Variants in MEGF6 observed in about 807,000 individuals in gnomAD.
MEGF6 encodes multiple EGF like domains 6.
A neutral mutation model predicts 207.1 loss-of-function variants in MEGF6; 184 were observed. That is an observed-to-expected ratio of 0.89 (90% CI 0.79 to 1.00). The LOEUF is 1.00. Among genes scored for constraint, MEGF6 ranks in the 50% least tolerant of loss-of-function variants. The pLI, the probability that MEGF6 is intolerant of heterozygous loss-of-function variation, is 0.00. For synonymous variants in MEGF6, 1,038 were observed against 910.0 expected (o/e 1.14, Z -2.53); for missense variants, 2,282 against 2,202.9 (o/e 1.04, Z -0.72).
At chr1:3,564,055 A>G (rs1245952474) in intron 4 of MEGF6, among the ~76,000 whole-genome samples, 1 of 152,108 alleles carries the variant, frequency 6.6e-6, no homozygotes, top group Non-Finnish European at 1.5e-5. Context: ...ACCCAAGTTC[A>G]GGCAAGCTGA....
At chr1:3,554,380 C>T (rs963743661) in intron 4 of MEGF6, among the ~76,000 whole-genome samples, 5 of 151,436 alleles carry the variant, frequency 3.3e-5, no homozygotes, top group South Asian at 2.1e-4. Flanking sequence ...CCGGGCCAGG[C>T]GGGAGGGGGA....
intron 4 of MEGF6, among the ~76,000 whole-genome samples, chr1:3,552,423 G>A (rs1050409644): frequency 2.6e-5 from 4 of 152,254 alleles, no homozygotes; most frequent in Non-Finnish European, 4.4e-5. Context: ...AAGACCACGC[G>A]TGGCGGCTCA....
At chr1:3,603,791 G>A (rs973822375) in intron 1 of MEGF6, among the ~76,000 whole-genome samples, 4 of 152,170 alleles carry the variant, frequency 2.6e-5, no homozygotes, top group Non-Finnish European at 5.9e-5. Context: ...CCGGACCCTG[G>A]CTCAGCACTC....
intron 2 of MEGF6, among the ~76,000 whole-genome samples, chr1:3,598,355 C>T (rs544442437): frequency 5.3e-5 from 8 of 152,200 alleles, no homozygotes; most frequent in Non-Finnish European, 7.3e-5. Flanking sequence ...TGCTCATGCA[C>T]GCGCACTGCA....
At chr1:3,506,056 C>T in intron 15 of MEGF6, 52 bp downstream of exon 15, 1 of 1,534,906 alleles carries the variant, frequency 6.5e-7, no homozygotes, top group Non-Finnish European at 8.8e-7. Context: ...ATGGACCATC[C>T]CTTCCACCCG....
chr1:3,531,264 GC>G, intron 4 of MEGF6: 1 of 1,361,570 alleles, frequency 7.3e-7, no homozygotes, highest in South Asian at 1.8e-5. Flanking sequence ...AGGCCGGCGG[GC>G]GGGAGGGGGC....
At chr1:3,624,492 G>C in the MEGF6 span, 1 of 152,328 alleles carries the variant, frequency 6.6e-6, no homozygotes, top group Non-Finnish European at 1.5e-5. Context: ...AAGAACGCCA[G>C]GTCCCGGCAG....
chr1:3,517,494 C>A (rs898883803), intron 5 of MEGF6, among the ~76,000 whole-genome samples: 1 of 152,248 alleles, frequency 6.6e-6, no homozygotes, highest in Admixed American at 6.5e-5. Flanking sequence ...CCAGTGTCGT[C>A]GCATATATCC....
chr1:3,582,112 C>T (rs946591536), intron 3 of MEGF6, among the ~76,000 whole-genome samples: 1 of 152,218 alleles, frequency 6.6e-6, no homozygotes, highest in Non-Finnish European at 1.5e-5. Context: ...ACAGATGCAC[C>T]CAGCAGGACA....
chr1:3,494,576 A>AG (rs1187300741), intron 31 of MEGF6, 37 bp downstream of exon 31: 1 of 1,560,456 alleles, frequency 6.4e-7, no homozygotes, highest in Non-Finnish European at 8.6e-7. Context: ...CACCTCCCTG[A>AG]GGGGATGCTG....
At chr1:3,542,926 C>T (rs573037296) in intron 4 of MEGF6, among the ~76,000 whole-genome samples, 1 of 152,334 alleles carries the variant, frequency 6.6e-6, no homozygotes, top group East Asian at 1.9e-4. Flanking sequence ...TGAATTCCTC[C>T]CCAGGGCCTG....
chr1:3,530,465 C>T (rs1263735104), intron 4 of MEGF6, among the ~76,000 whole-genome samples: 1 of 152,198 alleles, frequency 6.6e-6, no homozygotes, highest in Non-Finnish European at 1.5e-5. Context: ...GTGCCCAGCT[C>T]CAAGCTCTGT....
At position 3,524,260 on chromosome 1, in the gene MEGF6, G is replaced by C. The variant is rs10797399; in HGVS notation, c.482-14C>G. The C allele has an allele frequency of 1.2e-6, 2 of 1,603,552 alleles. No individual in the cohort carries two copies. Among genetic ancestry groups the C allele is most frequent in the Non-Finnish European group, 1.7e-6 (2 of 1,172,330 alleles). On this transcript the variant is annotated splice_polypyrimidine_tract_variant and intron_variant, in intron 4 of 36. Coordinates refer to ENST00000356575, the MANE Select transcript of MEGF6 (RefSeq NM_001409.4). ...ATTCGTCCACATCTGAGCAGGAATGGGGAAGGATCAGCAGCTGGGCACCTG... is the reference window on the plus strand; with the variant it reads ...ATTCGTCCACATCTGAGCAGGAATGCGGAAGGATCAGCAGCTGGGCACCTG...
rs145715301 is a variant in MEGF6 at position 3,538,294 on chromosome 1, C to T, written c.482-14048G>A. Among the ~76,000 whole-genome samples the T allele has an allele frequency of 5.1e-3, 772 of 152,184 alleles. 3 individuals carry two copies. Among genetic ancestry groups the T allele is most frequent in the Middle Eastern group, 0.024 (7 of 294 alleles). On this transcript the variant is annotated intron_variant, in intron 4 of 36. Coordinates refer to ENST00000356575, the MANE Select transcript of MEGF6 (RefSeq NM_001409.4). Reference sequence around the variant, plus strand: ...TTCCTCGCACCCCTTCTCCCACTGTCGCCACCACAGAGCTTCTATCAGGAG... The same window carrying T: ...TTCCTCGCACCCCTTCTCCCACTGTTGCCACCACAGAGCTTCTATCAGGAG...
rs189446794 is a variant in MEGF6, at chr1:3,510,633, G to A, written c.1234+150C>T. ...CACCACAGCCCTGCACACAGCAGGC[G>A]CTCAACCAACACCCACAGCCCCAAA... On this transcript the variant is annotated intron_variant, in intron 10 of 36. Transcript: ENST00000356575. The A allele has an allele frequency of 1.1e-3, 1,242 of 1,134,516 alleles. 17 individuals carry two copies. In the African/African-American group the frequency reaches 0.018, roughly 16 times the overall value. 70.3% of individuals were successfully genotyped at this position (1,134,516 alleles called of 1,614,324 possible). A position where few individuals can be genotyped will look rare whatever the true frequency, so the allele number is the denominator to read the frequency against.
rs1481976623 is a variant in MEGF6, at chr1:3,560,029, A to AAG, written c.481+19795_481+19796insCT. ...CGTCTCAAAATAAAAGAAAAAAAAA[A>AAG]AAAAAAAGGAAACACGATGAGCCCA... On this transcript the variant is annotated intron_variant, in intron 4 of 36. Transcript: ENST00000356575. This position sits in a 1 kb window ranked among gnomAD's most constrained non-coding sequence, Gnocchi z 4.0. 6.6e-6 allele frequency among the ~76,000 whole-genome samples: 1 copy of AAG among 151,092 alleles called. No homozygotes were observed. The highest frequency in any genetic ancestry group is 6.6e-5 in the Admixed American group (1 of 15,156).
intron 17 of MEGF6, 98 bp from the exon 18 acceptor site, chr1:3,502,019 C>CTCT: frequency 6.6e-7 from 1 of 1,518,364 alleles, no homozygotes; most frequent in African/African-American, 1.4e-5. Context: ...CCCCCTGTGC[C>CTCT]TCACATGGGC....
At position 3,576,297 on chromosome 1, in the gene MEGF6, A is replaced by T. The variant is rs1011765453; in HGVS notation, c.481+3528T>A. On this transcript the variant is annotated intron_variant, in intron 4 of 36. Transcript: ENST00000356575. ...GCTGCAAAGTCCCCGCCCGCTGCAGACCCGAGACTTGCCATCTGGGCCAAG... is the reference window on the plus strand; with the variant it reads ...GCTGCAAAGTCCCCGCCCGCTGCAGTCCCGAGACTTGCCATCTGGGCCAAG... 3.9e-5 allele frequency among the ~76,000 whole-genome samples: 6 copies of T among 152,302 alleles called. No homozygotes were observed. The East Asian group carries it at 1.2e-3, about 29-fold the overall frequency.
Position 3,498,718 on chromosome 1 carries a change from G to A in MEGF6, c.3203C>T (p.Ala1068Val). ...CTCACCCTTCTCACAGGCCAGGCCG[G>A]CCCAGCCCTCTGGGCACGCACAGTG... ...SGHCACPEGW[A>V]GLACEKECLP... Residue 1068 changes from alanine to valine, a missense_variant, in exon 25 of 37, where the codon GCC becomes GTC. Coordinates refer to ENST00000356575, the MANE Select transcript of MEGF6 (RefSeq NM_001409.4). 1 of 1,569,066 alleles carries A rather than the reference G, an allele frequency of 6.4e-7. No homozygotes were observed.
Sources: allele counts gnomAD v4.1 joint callset (sites outside exome capture counted in the v4.1 genomes callset), GRCh38; gene constraint gnomAD v4.1.1; non-coding constraint Gnocchi (gnomAD v3.1); transcripts MANE v1.5; gene names NCBI Gene and HGNC (gene_info 2026-07-23, HGNC 2026-07-21).